The following ARFGEF3 variants were observed in gnomAD, a reference collection of about 807,000 sequenced individuals.
The protein encoded by ARFGEF3 is brefeldin A-inhibited guanine nucleotide-exchange protein 3.
Under a neutral mutation model 221.7 loss-of-function variants are expected in ARFGEF3, and 96 were observed. The observed-to-expected ratio is 0.43, with a 90% CI of 0.37 to 0.51. The LOEUF (loss-of-function observed/expected upper bound fraction) is 0.51, where lower values mean the gene tolerates loss of function less well. Ranked by LOEUF, ARFGEF3 falls within the 20% of genes least tolerant of loss-of-function variation. ARFGEF3 has a pLI of 0.00. For missense variants in ARFGEF3, 2,410 were observed against 2,789.9 expected, an observed-to-expected ratio of 0.86 and a Z score of 3.07; for synonymous variants, 1,145 against 1,126.8, an observed-to-expected ratio of 1.02 and a Z score of -0.32.
At chr6:138,275,144 A>T (rs1356191992) in intron 12 of ARFGEF3, among the ~76,000 whole-genome samples, 1 of 152,024 alleles carries the variant, frequency 6.6e-6, no homozygotes. Context: ...AATTTTAAAA[A>T]ATAATAATAA....
At chr6:138,242,164 G>A (rs958624552) in intron 6 of ARFGEF3, among the ~76,000 whole-genome samples, 1 of 152,158 alleles carries the variant, frequency 6.6e-6, no homozygotes, top group Non-Finnish European at 1.5e-5. Flanking sequence ...CAGCACCATG[G>A]GATGAGTTAC....
chr6:138,222,052 C>A (rs1052375360), intron 4 of ARFGEF3, among the ~76,000 whole-genome samples: 5 of 152,170 alleles, frequency 3.3e-5, no homozygotes, highest in African/African-American at 7.2e-5. Flanking sequence ...CTCTAATCCA[C>A]AGTCTCTGAA....
chr6:138,323,210 A>G (rs1232274749), intron 29 of ARFGEF3, among the ~76,000 whole-genome samples: 2 of 152,204 alleles, frequency 1.3e-5, no homozygotes, highest in African/African-American at 4.8e-5. Context: ...TATTTTGACA[A>G]TGGAATACTG....
intron 3 of ARFGEF3, among the ~76,000 whole-genome samples, chr6:138,209,331 CCCA>C (rs1358830002): frequency 1.2e-4 from 18 of 152,308 alleles, no homozygotes; most frequent in African/African-American, 4.3e-4. Context: ...ATTCTCCATT[CCCA>C]CCACCTAAAT....
chr6:138,296,867 A>G lies in ARFGEF3; in HGVS notation c.3560A>G (p.Asn1187Ser), dbSNP rs757444197. 1.1e-5 allele frequency: 18 copies of G among 1,613,886 alleles called. No homozygotes were observed. The East Asian group carries it at 4.0e-4, about 36-fold the overall frequency. Reference protein sequence around the residue: ...KSALHLFRLGNAMLRIVRSKA... With the variant: ...KSALHLFRLGSAMLRIVRSKA... ...GCCCTCCACCTGTTCCGCCTGGGGA[A>G]TGCCATGCTGAGGATTGTGCGGAGC... Residue 1187 changes from asparagine (N) to serine (S), a missense_variant, in exon 21 of 34, where the codon AAT becomes AGT. Transcript: ENST00000251691.
intron 22 of ARFGEF3, among the ~76,000 whole-genome samples, chr6:138,304,406 A>G (rs1192363991): frequency 6.6e-6 from 1 of 152,174 alleles, no homozygotes. Flanking sequence ...AAGTAAAATT[A>G]TTTTTAAATT....
chr6:138,275,024 T>A (rs1779070937), intron 12 of ARFGEF3, among the ~76,000 whole-genome samples: 2 of 151,796 alleles, frequency 1.3e-5, no homozygotes, highest in Admixed American at 1.3e-4. Flanking sequence ...GGAGAATTGC[T>A]TGAACCCGGG....
chr6:138,219,666 T>C (rs1777941501), intron 4 of ARFGEF3, among the ~76,000 whole-genome samples: 2 of 152,154 alleles, frequency 1.3e-5, no homozygotes, highest in Admixed American at 6.5e-5. Context: ...AAAGCCCAAG[T>C]TGCCTGCAGG....
intron 22 of ARFGEF3, among the ~76,000 whole-genome samples, chr6:138,302,196 C>T (rs536389100): frequency 5.9e-5 from 9 of 151,628 alleles, no homozygotes; most frequent in South Asian, 2.1e-4. Flanking sequence ...TAAATATGTT[C>T]GAAAAAATTA....
intron 5 of ARFGEF3, among the ~76,000 whole-genome samples, chr6:138,233,870 G>A (rs1472803411): frequency 1.3e-5 from 2 of 152,040 alleles, no homozygotes; most frequent in African/African-American, 4.8e-5. Flanking sequence ...CCCACCTCCT[G>A]GCAAGAAAAC....
At chr6:138,206,274 TTAG>T (rs1229731444) in intron 2 of ARFGEF3, among the ~76,000 whole-genome samples, 1 of 152,216 alleles carries the variant, frequency 6.6e-6, no homozygotes, top group Non-Finnish European at 1.5e-5. Context: ...TTGTAACTCT[TTAG>T]GTTTATTCCT....
chr6:138,212,210 A>G (rs971597231), intron 4 of ARFGEF3, among the ~76,000 whole-genome samples: 2 of 152,230 alleles, frequency 1.3e-5, no homozygotes, highest in Admixed American at 6.5e-5. Context: ...GACAGCACAT[A>G]ATAGCCACTG....
intron 2 of ARFGEF3, among the ~76,000 whole-genome samples, chr6:138,182,875 T>G (rs188097409): frequency 1.5e-4 from 23 of 152,288 alleles, no homozygotes; most frequent in African/African-American, 5.5e-4. Flanking sequence ...TCTAGAATAT[T>G]TTAAGTGAGA....
At chr6:138,208,954 G>T (rs760819693) in intron 3 of ARFGEF3, among the ~76,000 whole-genome samples, 1 of 152,174 alleles carries the variant, frequency 6.6e-6, no homozygotes, top group Non-Finnish European at 1.5e-5. Flanking sequence ...GTCTCTGGGG[G>T]AAGATGAAGG....
intron 14 of ARFGEF3, among the ~76,000 whole-genome samples, chr6:138,282,969 T>C (rs1583048157): frequency 1.3e-5 from 2 of 152,058 alleles, no homozygotes; most frequent in African/African-American, 4.8e-5. Context: ...AAGAACCCCT[T>C]GAACCTGGGA....
intron 16 of ARFGEF3, 75 bp downstream of exon 16, chr6:138,286,991 G>A: frequency 6.3e-7 from 1 of 1,579,566 alleles, no homozygotes; most frequent in Non-Finnish European, 8.6e-7. Flanking sequence ...GGTGGGGCAG[G>A]GGGACCCTTT....
chr6:138,286,730 G>A lies in ARFGEF3; in HGVS notation c.2599G>A (p.Gly867Ser). 1 of 1,614,032 alleles carries A rather than the reference G, an allele frequency of 6.2e-7. No homozygotes were observed. The highest frequency in any genetic ancestry group is 8.5e-7 in the Non-Finnish European group (1 of 1,179,902). Reference sequence around the variant, plus strand: ...GGCATTTGCTCGCTATATTCTGGTGGGCTGCTGGAAGAACTTGATCGATAC... The same window carrying A: ...GGCATTTGCTCGCTATATTCTGGTGAGCTGCTGGAAGAACTTGATCGATAC... ...GVAFARYILV[G>S]CWKNLIDTLS... The change falls in exon 16 of 34, where the codon GGC becomes AGC. Residue 867 changes from glycine to serine, a missense_variant. Physicochemically the swap from Gly to Ser is moderately conservative, Grantham distance 56. Transcript: ENST00000251691.
intron 1 of ARFGEF3, among the ~76,000 whole-genome samples, chr6:138,166,976 A>G (rs1179203503): frequency 2.0e-5 from 3 of 152,310 alleles, no homozygotes; most frequent in Non-Finnish European, 2.9e-5. Context: ...CTCTGTCTTC[A>G]TCTTTTTGTC....
chr6:138,162,047 C>T lies in ARFGEF3; in HGVS notation c.-40C>T, dbSNP rs904840358. 4.7e-6 allele frequency: 7 copies of T among 1,496,070 alleles called. No individual in the cohort carries two copies. The African/African-American group carries it at 1.0e-4, about 22-fold the overall frequency. The allele number at this position is 1,496,070 out of a possible 1,614,324, so 92.7% of individuals were successfully genotyped here. A position where few individuals can be genotyped will look rare whatever the true frequency, so the allele number is the denominator to read the frequency against. On this transcript the variant is annotated 5_prime_UTR_variant, in exon 1 of 34. Transcript: ENST00000251691. The surrounding 1 kb of genome is among the most constrained non-coding windows in gnomAD (Gnocchi z 4.7). ...TCCCCGGCCCGGCTCGCCCGCGCTT[C>T]TCTCCCTGTGGGCGGCGGCCCGGCG...
Sources: allele counts gnomAD v4.1 joint callset (sites outside exome capture counted in the v4.1 genomes callset), GRCh38; gene constraint gnomAD v4.1.1; non-coding constraint Gnocchi (gnomAD v3.1); transcripts MANE v1.5; gene names NCBI Gene and HGNC (gene_info 2026-07-23, HGNC 2026-07-21).